The following CLDN14 variants were observed in gnomAD, a reference collection of about 807,000 sequenced individuals.
The protein encoded by CLDN14 is claudin-14.
CLDN14 carries 2 observed loss-of-function variants against 2.1 expected under a neutral mutation model. The observed-to-expected ratio is 0.96, with a 90% CI of 0.39 to 3.01. The LOEUF (loss-of-function observed/expected upper bound fraction) is 3.01. CLDN14 is among the 30% of genes most tolerant of loss of function. CLDN14 has a pLI of 0.09. For missense variants in CLDN14, 298 were observed against 328.0 expected (o/e 0.91, Z 0.71); for synonymous variants, 136 against 154.4 (o/e 0.88, Z 0.88).
rs1433108942 is a variant in CLDN14 at position 36,488,595 on chromosome 21, T to C, written c.-82+21768A>G. On this transcript the variant is annotated intron_variant, in intron 2 of 2. Coordinates refer to the CLDN14 transcript ENST00000342108. ...TGTGATTCCACTTTTATGAGATACCTAGTATAGTCAAATTAATAGAGACAG... is the reference window on the plus strand; with the variant it reads ...TGTGATTCCACTTTTATGAGATACCCAGTATAGTCAAATTAATAGAGACAG... Among the ~76,000 whole-genome samples, 20 of 144,376 alleles carry C rather than the reference T, an allele frequency of 1.4e-4. 1 individual carries two copies. The Admixed American group carries it at 1.5e-3, about 11-fold the overall frequency. The allele number at this position is 144,376 out of a possible 152,430, so 94.7% of individuals were successfully genotyped here.
intron 2 of CLDN14, among the ~76,000 whole-genome samples, chr21:36,497,959 G>A (rs2087053623): frequency 6.6e-6 from 1 of 151,986 alleles, no homozygotes; most frequent in South Asian, 2.1e-4. Flanking sequence ...CTTGGCCACT[G>A]GTGGTACAGC....
At chr21:36,514,508 C>T (rs924478853) in intron 1 of CLDN14, among the ~76,000 whole-genome samples, 7 of 152,210 alleles carry the variant, frequency 4.6e-5, no homozygotes, top group Non-Finnish European at 8.8e-5. Context: ...TTAAACTCCA[C>T]TCATCCCAAA....
chr21:36,476,455 ATT>A (rs11457181), intron 1 of CLDN14, among the ~76,000 whole-genome samples: 8 of 142,424 alleles, frequency 5.6e-5, no homozygotes, highest in African/African-American at 7.8e-5. Flanking sequence ...ATGGATGACT[ATT>A]TTTTTTTTTT....
chr21:36,491,856 G>A (rs1445649070), intron 2 of CLDN14, among the ~76,000 whole-genome samples: 1 of 152,124 alleles, frequency 6.6e-6, no homozygotes, highest in Non-Finnish European at 1.5e-5. Flanking sequence ...ACCCGCTCTG[G>A]GCTGGGGTCT....
At chr21:36,526,894 TGATA>T (rs1326866006) in intron 1 of CLDN14, among the ~76,000 whole-genome samples, 1 of 152,208 alleles carries the variant, frequency 6.6e-6, no homozygotes, top group African/African-American at 2.4e-5. Flanking sequence ...ATGGTGGGCC[TGATA>T]GGCCCACCTC....
intron 1 of CLDN14, among the ~76,000 whole-genome samples, chr21:36,573,269 C>T (rs2146530940): frequency 7.1e-6 from 1 of 141,720 alleles, no homozygotes; most frequent in South Asian, 2.2e-4. Flanking sequence ...CCAATGCACT[C>T]CAGCCTGGGT....
chr21:36,509,050 C>T (rs2087159636), intron 2 of CLDN14, among the ~76,000 whole-genome samples: 1 of 152,182 alleles, frequency 6.6e-6, no homozygotes, highest in Non-Finnish European at 1.5e-5. Flanking sequence ...CTCAGCCTTT[C>T]CTCTAGGTAA....
chr21:36,523,779 GAGAGAAAGAAAGAA>G lies in CLDN14; in HGVS notation c.-219-13293_-219-13280del, dbSNP rs1332363541. Among the ~76,000 whole-genome samples the G allele has an allele frequency of 2.9e-4, 6 of 20,896 alleles. 1 individual carries two copies. The highest frequency in any genetic ancestry group is 8.3e-4 in the Non-Finnish European group (5 of 6,022). 13.7% of individuals were successfully genotyped at this position (20,896 alleles called of 152,430 possible). A position where few individuals can be genotyped will look rare whatever the true frequency, so the allele number is the denominator to read the frequency against. On this transcript the variant is annotated intron_variant, in intron 1 of 2. Coordinates refer to the CLDN14 transcript ENST00000342108. Reference sequence around the variant, plus strand: ...AAAAAAAAAGAAAGAAAGAGAGAAAGAGAGAAAGAAAGAAAGAAAGAAAGAAAGAAAGAAAGAAA... The same window carrying G: ...AAAAAAAAAGAAAGAAAGAGAGAAAGAGAAAGAAAGAAAGAAAGAAAGAAA...
At chr21:36,467,269 A>G (rs956526729) in intron 1 of CLDN14, among the ~76,000 whole-genome samples, 2 of 152,134 alleles carry the variant, frequency 1.3e-5, no homozygotes, top group Non-Finnish European at 2.9e-5. Flanking sequence ...CTCCTGGCCC[A>G]CCTGGACCCC....
intron 2 of CLDN14, among the ~76,000 whole-genome samples, chr21:36,506,040 C>A (rs975597030): frequency 6.6e-6 from 1 of 152,328 alleles, no homozygotes; most frequent in South Asian, 2.1e-4. Flanking sequence ...CCCAGTTATA[C>A]TCCTAAAGTA....
At chr21:36,487,026 CT>C (rs1440351402) in intron 2 of CLDN14, 1 of 286,100 alleles carries the variant, frequency 3.5e-6, no homozygotes, top group Non-Finnish European at 6.7e-6. Flanking sequence ...GCTCTGTCAC[CT>C]AGGCTGGTGT....
At chr21:36,568,595 C>T (rs2087688688) in intron 1 of CLDN14, among the ~76,000 whole-genome samples, 1 of 152,202 alleles carries the variant, frequency 6.6e-6, no homozygotes, top group South Asian at 2.1e-4. Flanking sequence ...CACCATGGCT[C>T]AGGCCTGAAG....
chr21:36,488,415 G>T lies in CLDN14; in HGVS notation c.-82+21948C>A, dbSNP rs533762455. On this transcript the variant is annotated intron_variant, in intron 2 of 2. Transcript: ENST00000342108. ...GCCTCCCGAGTAGCTGGGATTACAGGCACGTGCCGCCATGCCCAGCTAATT... is the reference window on the plus strand; with the variant it reads ...GCCTCCCGAGTAGCTGGGATTACAGTCACGTGCCGCCATGCCCAGCTAATT... Among the ~76,000 whole-genome samples the T allele has an allele frequency of 2.9e-3, 444 of 152,206 alleles. 1 individual carries two copies. Among genetic ancestry groups the T allele is most frequent in the African/African-American group, 9.8e-3 (408 of 41,522 alleles).
At chr21:36,526,406 G>T (rs2087329925) in intron 1 of CLDN14, 1 of 152,180 alleles carries the variant, frequency 6.6e-6, no homozygotes, top group African/African-American at 2.4e-5. Flanking sequence ...AGATGGAACT[G>T]ACTTGACCAA....
intron 1 of CLDN14, among the ~76,000 whole-genome samples, chr21:36,516,457 T>G (rs957697168): frequency 1.3e-5 from 2 of 152,240 alleles, no homozygotes; most frequent in Non-Finnish European, 2.9e-5. Context: ...CGTTCTCCTC[T>G]CTCAAGCATC....
chr21:36,515,425 C>G (rs2087219700), intron 1 of CLDN14, among the ~76,000 whole-genome samples: 1 of 152,080 alleles, frequency 6.6e-6, no homozygotes, highest in African/African-American at 2.4e-5. Flanking sequence ...GTAATCCCAG[C>G]ACTTTGGGAG....
At chr21:36,555,850 T>TACA (rs2087595506) in intron 1 of CLDN14, among the ~76,000 whole-genome samples, 1 of 140,576 alleles carries the variant, frequency 7.1e-6, no homozygotes, top group Non-Finnish European at 1.6e-5. Flanking sequence ...TGTGTGTGTG[T>TACA]GAGAGAGAGA....
intron 1 of CLDN14, among the ~76,000 whole-genome samples, chr21:36,471,343 T>C (rs1180486976): frequency 6.6e-6 from 1 of 152,164 alleles, no homozygotes; most frequent in African/African-American, 2.4e-5. Flanking sequence ...AATTTGAAAA[T>C]TCAAGTGCAA....
chr21:36,489,327 A>G (rs2146460894), intron 2 of CLDN14, among the ~76,000 whole-genome samples: 1 of 151,900 alleles, frequency 6.6e-6, no homozygotes, highest in South Asian at 2.1e-4. Context: ...TTTTATTGGA[A>G]TGAATGTTCT....
Sources: gnomAD v4.1 joint callset for allele counts (sites outside exome capture counted in the v4.1 genomes callset) on GRCh38, gnomAD v4.1.1 for gene constraint, MANE v1.5 for transcripts, NCBI Gene and HGNC (gene_info 2026-07-23, HGNC 2026-07-21) for gene names.